LRP1B: variants seen among roughly 807,000 people sequenced by gnomAD.
LRP1B encodes low-density lipoprotein receptor-related protein 1B.
LRP1B carries 217 observed loss-of-function variants against 556.6 expected under a neutral mutation model. The observed-to-expected ratio is 0.39, with a 90% confidence interval of 0.35 to 0.44. LRP1B has a LOEUF of 0.44. Ranked by LOEUF, LRP1B falls within the 20% of genes least tolerant of loss-of-function variation. The pLI is 1.00. For missense variants in LRP1B, 5,053 were observed against 5,620.8 expected, an observed-to-expected ratio of 0.90 and a Z score of 3.23; for synonymous variants, 2,047 against 1,865.8, an observed-to-expected ratio of 1.10 and a Z score of -2.50.
In LRP1B at chr2:140,716,697, C is replaced by T. The variant is rs1016176061; in HGVS notation, c.5878G>A (p.Val1960Ile). 1.2e-6 allele frequency: 2 copies of T among 1,610,254 alleles called. No homozygotes were observed. The highest frequency in any genetic ancestry group is 1.7e-6 in the Non-Finnish European group (2 of 1,177,906). ...TGGATTATACCAGCAATCCAGTCAA[C>T]AGCTATCCCTTCCACTCTTCCCAAG... is the stretch of plus-strand genomic sequence containing the variant. Reference protein sequence around the residue: ...NGLGRVEGIAVDWIAGNIYWT... With the variant: ...NGLGRVEGIAIDWIAGNIYWT... The change falls in exon 36 of 91, where the codon GTT becomes ATT. Residue 1960 changes from valine (V) to isoleucine (I), a missense_variant. Transcript: ENST00000389484.
At chr2:141,153,484 T>A (rs1325788506) in intron 7 of LRP1B, among the ~76,000 whole-genome samples, 1 of 125,974 alleles carries the variant, frequency 7.9e-6, no homozygotes, top group Non-Finnish European at 1.6e-5. Flanking sequence ...ATATATATAT[T>A]AGCTATATAT....
chr2:140,963,690 C>T lies in LRP1B; in HGVS notation c.2888-11750G>A, dbSNP rs375240081. 1.1e-4 allele frequency among the ~76,000 whole-genome samples: 16 copies of T among 152,216 alleles called. No individual in the cohort carries two copies. In the South Asian group the frequency reaches 3.3e-3, roughly 32 times the overall value. ...AGCAAAAGCAGGCTGGGCATTGTGG[C>T]TCACACCTGTAATCCCGGCACTTTG... On this transcript the variant is annotated intron_variant, in intron 18 of 90. Coordinates refer to ENST00000389484, the MANE Select transcript of LRP1B (RefSeq NM_018557.3).
At chr2:140,458,423 T>C (rs1355120632) in intron 60 of LRP1B, among the ~76,000 whole-genome samples, 2 of 152,138 alleles carry the variant, frequency 1.3e-5, no homozygotes, top group East Asian at 1.9e-4. Flanking sequence ...AAATAAGATA[T>C]GGTAAATCTG....
chr2:141,370,235 T>C (rs1160429573), intron 3 of LRP1B, among the ~76,000 whole-genome samples: 2 of 152,154 alleles, frequency 1.3e-5, no homozygotes, highest in African/African-American at 4.8e-5. Flanking sequence ...CTGTTTTCCA[T>C]AGAGGTCGTA....
intron 1 of LRP1B, among the ~76,000 whole-genome samples, chr2:141,945,012 G>C (rs1700913433): frequency 2.0e-5 from 3 of 152,040 alleles, no homozygotes; most frequent in African/African-American, 7.2e-5. Flanking sequence ...GCACATTCTT[G>C]ATATCCAGTA....
Position 140,305,821 on chromosome 2 carries a change from T to A in LRP1B, c.12806-7852A>T, listed in dbSNP as rs372160478. On this transcript the variant is annotated intron_variant, in intron 83 of 90. Coordinates refer to ENST00000389484, the MANE Select transcript of LRP1B (RefSeq NM_018557.3). ...AAATAGCTCTTATTATTTTGAGATA[T>A]GTCCCATCAATACCTAATTTATTGA... Among the ~76,000 whole-genome samples, 3 of 152,130 alleles carry A rather than the reference T, an allele frequency of 2.0e-5. No homozygotes were observed. The South Asian group carries it at 6.2e-4, about 32-fold the overall frequency.
chr2:140,917,877 T>C (rs1402552171), intron 21 of LRP1B, among the ~76,000 whole-genome samples: 1 of 152,096 alleles, frequency 6.6e-6, no homozygotes, highest in Non-Finnish European at 1.5e-5. Context: ...TATAGGTGCA[T>C]TGATTATAAC....
rs1361899263 is a variant in LRP1B, at chr2:140,933,573, G to A, written c.3137-10426C>T. On this transcript the variant is annotated intron_variant, in intron 20 of 90. Coordinates refer to ENST00000389484, the MANE Select transcript of LRP1B (RefSeq NM_018557.3). Reference sequence around the variant, plus strand: ...CTAAAAAAGCAGGACAACAGGGTGAGGTTCTTCATTAAAATTAGGTCTTTA... The same window carrying A: ...CTAAAAAAGCAGGACAACAGGGTGAAGTTCTTCATTAAAATTAGGTCTTTA... Among the ~76,000 whole-genome samples the A allele has an allele frequency of 2.6e-5, 4 of 152,084 alleles. No homozygotes were observed. In the East Asian group the frequency reaches 7.8e-4, roughly 29 times the overall value.
At chr2:141,419,390 A>G (rs988960705) in intron 3 of LRP1B, among the ~76,000 whole-genome samples, 21 of 152,188 alleles carry the variant, frequency 1.4e-4, no homozygotes, top group African/African-American at 4.8e-4. Flanking sequence ...AGAATTCATC[A>G]GTGAAGCTAT....
intron 11 of LRP1B, among the ~76,000 whole-genome samples, chr2:141,038,885 T>C (rs943262178): frequency 1.3e-5 from 2 of 152,080 alleles, no homozygotes; most frequent in Non-Finnish European, 1.5e-5. Flanking sequence ...TGCTGAATAT[T>C]GGTAATTTAT....
intron 1 of LRP1B, among the ~76,000 whole-genome samples, chr2:141,991,982 T>C (rs1702356604): frequency 1.3e-5 from 2 of 152,110 alleles, no homozygotes; most frequent in Admixed American, 6.6e-5. Flanking sequence ...CCCTTGGATA[T>C]CAAAAATCTG....
chr2:141,982,332 CAT>C (rs1170349562), intron 1 of LRP1B, among the ~76,000 whole-genome samples: 1 of 152,144 alleles, frequency 6.6e-6, no homozygotes, highest in Non-Finnish European at 1.5e-5. Context: ...TAGTTTAAAA[CAT>C]GTATTATGCA....
intron 2 of LRP1B, among the ~76,000 whole-genome samples, chr2:141,730,927 A>C (rs1401551490): frequency 6.6e-6 from 1 of 152,136 alleles, no homozygotes; most frequent in Non-Finnish European, 1.5e-5. Flanking sequence ...ATACTCCTAA[A>C]GGGGCCAGTC....
intron 83 of LRP1B, among the ~76,000 whole-genome samples, chr2:140,299,167 G>A (rs1357371998): frequency 6.6e-6 from 1 of 152,040 alleles, no homozygotes; most frequent in Non-Finnish European, 1.5e-5. Context: ...GTGTGAAAAT[G>A]ATATAATTTT....
chr2:141,292,058 G>A (rs1296846420), intron 3 of LRP1B, among the ~76,000 whole-genome samples: 1 of 152,186 alleles, frequency 6.6e-6, no homozygotes, highest in Non-Finnish European at 1.5e-5. Flanking sequence ...GAGCATGGGT[G>A]AGGTAGCATT....
At chr2:142,103,242 G>A (rs1247424295) in intron 1 of LRP1B, among the ~76,000 whole-genome samples, 1 of 151,802 alleles carries the variant, frequency 6.6e-6, no homozygotes, top group African/African-American at 2.4e-5. Flanking sequence ...ATTAAATTAT[G>A]AGATTAATTT....
At chr2:141,843,013 CTATT>C (rs896456003) in intron 1 of LRP1B, among the ~76,000 whole-genome samples, 7 of 152,102 alleles carry the variant, frequency 4.6e-5, no homozygotes, top group African/African-American at 1.7e-4. Flanking sequence ...AATATTAAAA[CTATT>C]TATTTTTTTA....
chr2:142,084,082 C>A (rs546293971), intron 1 of LRP1B, among the ~76,000 whole-genome samples: 1 of 151,460 alleles, frequency 6.6e-6, no homozygotes, highest in African/African-American at 2.4e-5. Context: ...TGGATTCAAG[C>A]GATTCTTGTG....
chr2:140,445,399 G>C (rs1686612745), intron 63 of LRP1B, among the ~76,000 whole-genome samples: 3 of 152,134 alleles, frequency 2.0e-5, no homozygotes, highest in Non-Finnish European at 4.4e-5. Context: ...ACAGGCGTGA[G>C]TCACTGCACC....
Sources: allele counts gnomAD v4.1 joint callset (sites outside exome capture counted in the v4.1 genomes callset), GRCh38; gene constraint gnomAD v4.1.1; transcripts MANE v1.5; gene names NCBI Gene and HGNC (gene_info 2026-07-23, HGNC 2026-07-21).